FAM186B: variants seen among roughly 807,000 people sequenced by gnomAD.
The protein encoded by FAM186B is protein FAM186B.
A neutral mutation model predicts 83.4 loss-of-function variants in FAM186B; 68 were observed. That is an observed-to-expected ratio of 0.81 (90% CI 0.67 to 1.00). FAM186B has a LOEUF of 1.00. Ranked by LOEUF, FAM186B falls within the 50% of genes least tolerant of loss-of-function variation. The probability of loss-of-function intolerance (pLI) is 0.00; values close to 1 mark genes in which losing one functional copy is unlikely to be tolerated. For missense variants in FAM186B, 983 were observed against 1,099.2 expected (o/e 0.89, Z 1.49); for synonymous variants, 389 against 422.0 (o/e 0.92, Z 0.96).
At chr12:49,614,859 A>G in the FAM186B span, among the ~76,000 whole-genome samples, 8 of 152,280 alleles carry the variant, frequency 5.3e-5, no homozygotes, top group South Asian at 1.7e-3. Flanking sequence ...GGCCGGGCGC[A>G]GTGGTTCACG....
At chr12:49,621,118 C>G in the FAM186B span, among the ~76,000 whole-genome samples, 3 of 152,236 alleles carry the variant, frequency 2.0e-5, no homozygotes, top group Admixed American at 6.5e-5. Context: ...CAAAGTGACT[C>G]ACGCCTGTAA....
Position 49,599,602 on chromosome 12 carries a change from A to T in FAM186B, c.2038T>A (p.Ser680Thr), listed in dbSNP as rs1939817636. Residue 680 changes from serine to threonine, a missense_variant, in exon 4 of 7, where the codon TCT (serine) becomes ACT (threonine). Coordinates refer to ENST00000257894, the MANE Select transcript of FAM186B (RefSeq NM_032130.3). ...RKNLQLLSEE[S>T]ELRLPHYLRS... is the part of the protein sequence containing the mutation. ...AGGTAGTGGGGCAGCCTCAACTCAG[A>T]CTCCTCACTCAGGAGCTGCAGGTTC... 3 of 1,611,612 alleles carry T rather than the reference A, an allele frequency of 1.9e-6. No homozygotes were observed. In the South Asian group the frequency reaches 3.3e-5, roughly 18 times the overall value.
the FAM186B span, among the ~76,000 whole-genome samples, chr12:49,618,048 C>T: frequency 1.3e-5 from 2 of 152,096 alleles, no homozygotes; most frequent in Non-Finnish European, 2.9e-5. Flanking sequence ...GATCACTGTG[C>T]AAAGAAGCTC....
At chr12:49,585,894 C>A (rs556680732), downstream of FAM186B, among the ~76,000 whole-genome samples, 21 of 152,348 alleles carry the variant, frequency 1.4e-4, no homozygotes, top group South Asian at 4.4e-3. Flanking sequence ...GGCCACCACC[C>A]TGAGGTAGCA....
upstream of FAM186B, among the ~76,000 whole-genome samples, chr12:49,607,482 A>G (rs189944108): frequency 2.8e-3 from 424 of 152,218 alleles, no homozygotes; most frequent in Non-Finnish European, 5.0e-3. Flanking sequence ...CTAAAGAAAA[A>G]AAAAGCTTTG....
chr12:49,595,242 AG>A, intron 5 of FAM186B: 2 of 677,204 alleles, frequency 3.0e-6, no homozygotes, highest in Non-Finnish European at 5.2e-6. Context: ...TGGCTGGAAA[AG>A]ACCCAGTACA....
At chr12:49,607,483 A>G (rs1382492244), upstream of FAM186B, among the ~76,000 whole-genome samples, 2 of 152,128 alleles carry the variant, frequency 1.3e-5, no homozygotes, top group Non-Finnish European at 2.9e-5. Context: ...TAAAGAAAAA[A>G]AAAGCTTTGA....
the FAM186B span, among the ~76,000 whole-genome samples, chr12:49,613,907 G>A: frequency 6.6e-6 from 1 of 152,044 alleles, no homozygotes; most frequent in African/African-American, 2.4e-5. Context: ...CTAGCACTTT[G>A]GGAGGCCTTG....
chr12:49,592,243 G>A (rs1417266306), intron 5 of FAM186B, among the ~76,000 whole-genome samples: 1 of 152,210 alleles, frequency 6.6e-6, no homozygotes, highest in African/African-American at 2.4e-5. Context: ...GGAGGCCGAG[G>A]TGGGCAGAGC....
chr12:49,620,651 G>A, the FAM186B span, among the ~76,000 whole-genome samples: 1 of 152,030 alleles, frequency 6.6e-6, no homozygotes, highest in East Asian at 1.9e-4. Flanking sequence ...AATCATAACT[G>A]TAAACATGAG....
the FAM186B span, chr12:49,619,645 A>G: frequency 5.2e-6 from 2 of 384,804 alleles, no homozygotes; most frequent in Admixed American, 3.4e-5. Context: ...TTGTTGGAGG[A>G]GCTTACTTTA....
In FAM186B at chr12:49,603,428, G is replaced by A. The variant is rs1939943099; in HGVS notation, c.323-61C>T. On this transcript the variant is annotated intron_variant, in intron 2 of 6. Transcript: ENST00000257894. Reference sequence around the variant, plus strand: ...TCTGTCCTCCAGGGGGACACAGACAGCCCTATAGCACAGGGGTTCCAGCAG... The same window carrying A: ...TCTGTCCTCCAGGGGGACACAGACAACCCTATAGCACAGGGGTTCCAGCAG... 3 of 1,542,324 alleles carry A rather than the reference G, an allele frequency of 1.9e-6. No individual in the cohort carries two copies. In the South Asian group the frequency reaches 3.4e-5, roughly 18 times the overall value.
chr12:49,594,597 G>A (rs557130687), intron 5 of FAM186B, among the ~76,000 whole-genome samples: 9 of 152,320 alleles, frequency 5.9e-5, no homozygotes, highest in African/African-American at 2.2e-4. Context: ...TACACAGGCC[G>A]GGTGTGGTGG....
At chr12:49,597,926 G>C (rs988722718) in intron 5 of FAM186B, among the ~76,000 whole-genome samples, 1 of 152,140 alleles carries the variant, frequency 6.6e-6, no homozygotes, top group African/African-American at 2.4e-5. Context: ...CAGGTGTGGT[G>C]GTGGGTACCT....
At chr12:49,583,172 A>C (rs1039767267), downstream of FAM186B, 5 of 430,842 alleles carry the variant, frequency 1.2e-5, no homozygotes, top group Non-Finnish European at 1.9e-5. Context: ...GAATGTATGA[A>C]TAGTATGAAA....
Position 49,592,100 on chromosome 12 carries a change from A to G in FAM186B, c.2365-3477T>C, listed in dbSNP as rs116012536. Among the ~76,000 whole-genome samples the G allele has an allele frequency of 8.4e-3, 1,275 of 152,348 alleles. 14 individuals are homozygous for G. Among genetic ancestry groups the G allele is most frequent in the African/African-American group, 0.028 (1,173 of 41,570 alleles). On this transcript the variant is annotated intron_variant, in intron 5 of 6. Coordinates refer to ENST00000257894, the MANE Select transcript of FAM186B (RefSeq NM_032130.3). ...ACAGTAGGACAAAGGCCGGGAGGGA[A>G]GAAATAGATGTATACTATTGTAAGG...
chr12:49,597,885 C>A (rs1385560731), intron 5 of FAM186B, among the ~76,000 whole-genome samples: 1 of 152,098 alleles, frequency 6.6e-6, no homozygotes, highest in Admixed American at 6.6e-5. Context: ...CATGGTGAAA[C>A]CCCGTCTCTA....
the FAM186B span, among the ~76,000 whole-genome samples, chr12:49,616,675 A>C: frequency 3.9e-5 from 6 of 152,242 alleles, no homozygotes; most frequent in African/African-American, 1.4e-4. Flanking sequence ...GCAAAACAAT[A>C]GTGATAGAAA....
At chr12:49,607,681 G>C (rs1331192364), upstream of FAM186B, among the ~76,000 whole-genome samples, 3 of 152,040 alleles carry the variant, frequency 2.0e-5, no homozygotes, top group Admixed American at 2.0e-4. Flanking sequence ...ATTTTATGAG[G>C]TTAGCATTAT....
Sources: gnomAD v4.1 joint callset for allele counts (sites outside exome capture counted in the v4.1 genomes callset) on GRCh38, gnomAD v4.1.1 for gene constraint, MANE v1.5 for transcripts, NCBI Gene and HGNC (gene_info 2026-07-23, HGNC 2026-07-21) for gene names.